The following SPTB variants were observed in gnomAD, a reference collection of about 807,000 sequenced individuals.
The protein encoded by SPTB is spectrin beta, erythrocytic.
Under a neutral mutation model 256.2 loss-of-function variants are expected in SPTB, and 45 were observed. The ratio of observed to expected loss-of-function variants is 0.18; its 90% CI spans 0.14 to 0.23. SPTB has a LOEUF of 0.23. Ranked by LOEUF, SPTB falls within the 10% of genes least tolerant of loss-of-function variation. SPTB has a pLI of 1.00. For synonymous variants in SPTB, 1,231 were observed against 1,243.1 expected, an observed-to-expected ratio of 0.99 and a Z score of 0.21; for missense variants, 2,715 against 3,040.4, an observed-to-expected ratio of 0.89 and a Z score of 2.52.
At chr14:64,768,470 A>G (rs7157344) in intron 29 of SPTB, among the ~76,000 whole-genome samples, 27,128 of 134,132 alleles carry the variant, frequency 0.2, 3,695 homozygotes, top group African/African-American at 0.42. Flanking sequence ...GCTGTCTCAC[A>G]TGATGCTGGA....
At chr14:64,799,550 A>G (rs760398463) in intron 9 of SPTB, among the ~76,000 whole-genome samples, 197 bp downstream of exon 9, 4 of 152,236 alleles carry the variant, frequency 2.6e-5, no homozygotes, top group Admixed American at 6.5e-5. Flanking sequence ...TTTCTCATCA[A>G]TGCTGGTTTC....
At chr14:64,868,420 G>C (rs532186702) in intron 1 of SPTB, among the ~76,000 whole-genome samples, 18 of 152,280 alleles carry the variant, frequency 1.2e-4, no homozygotes, top group Admixed American at 2.0e-4. Context: ...AAGCAGATTT[G>C]GAGTGAAGAA....
At position 64,795,590 on chromosome 14, in the gene SPTB, T is replaced by A; in HGVS notation, c.1391A>T (p.His464Leu). The A allele has an allele frequency of 6.2e-7, 1 of 1,614,066 alleles. No individual in the cohort carries two copies. The highest frequency in any genetic ancestry group is 1.3e-5 in the African/African-American group (1 of 74,966). ...LAAVEAAKKK[H>L]EAIETDTAAY... ...AGCCGTGTCGGTCTCGATGGCCTCA[T>A]GCTTCTTCTTGGCGGCCTCCACAGC... Residue 464 changes from histidine to leucine, a missense_variant, in exon 12 of 36, where the codon CAT (histidine) becomes CTT (leucine). His to Leu is a moderately conservative substitution (Grantham distance 99). This residue lies in a region of SPTB where 416 missense variants were observed against 571.1 expected (regional missense o/e 0.73). Coordinates refer to ENST00000644917, the MANE Select transcript of SPTB (RefSeq NM_001355436.2). This position sits in a 1 kb window ranked among gnomAD's most constrained non-coding sequence, Gnocchi z 6.5.
chr14:64,874,806 TCTC>T (rs1882728798), intron 1 of SPTB, among the ~76,000 whole-genome samples: 1 of 152,252 alleles, frequency 6.6e-6, no homozygotes, highest in Non-Finnish European at 1.5e-5. Flanking sequence ...TCAAGTTTCT[TCTC>T]CTTTTCACAA....
chr14:64,752,262 T>A, intron 33 of SPTB: 1 of 1,344,286 alleles, frequency 7.4e-7, no homozygotes, highest in Non-Finnish European at 9.8e-7. Context: ...TGTTTCCTCC[T>A]CCTCTTCATC....
Position 64,782,423 on chromosome 14 carries a change from G to A in SPTB, c.4133C>T (p.Ala1378Val). 1 of 1,614,136 alleles carries A rather than the reference G, an allele frequency of 6.2e-7. No individual in the cohort carries two copies. The highest frequency in any genetic ancestry group is 8.5e-7 in the Non-Finnish European group (1 of 1,180,046). Residue 1378 changes from alanine (A) to valine (V), a missense_variant, in exon 20 of 36, where the codon GCC (alanine) becomes GTC (valine). Ala to Val is a moderately conservative substitution (Grantham distance 64). Around this residue, in one of 4 missense-constraint regions of SPTB, gnomAD observed 2,239 missense variants for 2,384.4 expected, o/e 0.94. Transcript: ENST00000644917. Reference sequence around the variant, plus strand: ...CTGCAAGCGCAGGTCGGAGCTCCTGGCAGCCGAGAGGTGCTGGGTCTTCTC... The same window carrying A: ...CTGCAAGCGCAGGTCGGAGCTCCTGACAGCCGAGAGGTGCTGGGTCTTCTC... ...TKEKTQHLSA[A>V]RSSDLRLQTH...
intron 33 of SPTB, 122 bp from the exon 34 acceptor site, chr14:64,750,276 T>C (rs1278771068): frequency 5.0e-6 from 5 of 1,009,492 alleles, no homozygotes; most frequent in Non-Finnish European, 7.0e-6. Flanking sequence ...GTAACATGTT[T>C]TATTGTTAAA....
chr14:64,803,726 C>T lies in SPTB; in HGVS notation c.355G>A (p.Ala119Thr). Residue 119 changes from alanine (A) to threonine (T), a missense_variant, in exon 4 of 36, where the codon GCT becomes ACT. By Grantham distance (58) the Ala-to-Thr change is moderately conservative (BLOSUM62 0). Coordinates refer to ENST00000644917, the MANE Select transcript of SPTB (RefSeq NM_001355436.2). ...CGCTGCTCCTTGAGGAACTGGAGAG[C>T]CTTGTCCACATTCTCCAGGCAGTGG... ...RIHCLENVDKALQFLKEQRVH... is the reference protein window; with the variant it reads ...RIHCLENVDKTLQFLKEQRVH... 1 of 1,614,092 alleles carries T rather than the reference C, an allele frequency of 6.2e-7. No homozygotes were observed. Among genetic ancestry groups the T allele is most frequent in the Non-Finnish European group, 8.5e-7 (1 of 1,180,008 alleles).
chr14:64,870,638 T>C (rs1386026463), intron 1 of SPTB, among the ~76,000 whole-genome samples: 2 of 152,248 alleles, frequency 1.3e-5, no homozygotes, highest in African/African-American at 4.8e-5. Flanking sequence ...AAGTTCAGTT[T>C]GGCCCCCAAA....
In SPTB at chr14:64,801,824, C is replaced by T; in HGVS notation, c.577G>A (p.Val193Ile). 1.9e-6 allele frequency: 3 copies of T among 1,614,174 alleles called. No homozygotes were observed. The highest frequency in any genetic ancestry group is 2.5e-6 in the Non-Finnish European group (3 of 1,180,026). ...CTGGAGGTAAAGTTGGTGACATTAACATGAGGGTAGCTGCATCCAAGAGAA... is the reference window on the plus strand; with the variant it reads ...CTGGAGGTAAAGTTGGTGACATTAATATGAGGGTAGCTGCATCCAAGAGAA... ...CQMKTAGYPH[V>I]NVTNFTSSWK... Residue 193 changes from valine (V) to isoleucine (I), a missense_variant, in exon 6 of 36, where the codon GTT becomes ATT. Val to Ile is a conservative substitution (Grantham distance 29). Transcript: ENST00000644917.
chr14:64,769,630 C>G lies in SPTB; in HGVS notation c.5897G>C (p.Gly1966Ala). ...SKNFSACLELGESLLQRQHQA... is the reference protein window; with the variant it reads ...SKNFSACLELAESLLQRQHQA... ...GTGCTGCCGCTGCAGCAGGGACTCG[C>G]CAAGCTCCAGGCAGGCACTGAAGTT... The change falls in exon 28 of 36, where the codon GGC becomes GCC. Residue 1966 changes from glycine (G) to alanine (A), a missense_variant. By Grantham distance (60) the Gly-to-Ala change is moderately conservative. Transcript: ENST00000644917. The G allele has an allele frequency of 6.2e-7, 1 of 1,614,124 alleles. No individual in the cohort carries two copies. Among genetic ancestry groups the G allele is most frequent in the Non-Finnish European group, 8.5e-7 (1 of 1,180,048 alleles).
intron 1 of SPTB, among the ~76,000 whole-genome samples, chr14:64,871,011 C>T (rs577675747): frequency 1.9e-4 from 29 of 152,148 alleles, no homozygotes; most frequent in Non-Finnish European, 3.5e-4. Context: ...GTGATGGCTG[C>T]ACAGCAATGT....
At chr14:64,856,467 A>C (rs1295542698) in intron 1 of SPTB, among the ~76,000 whole-genome samples, 2 of 152,200 alleles carry the variant, frequency 1.3e-5, no homozygotes, top group African/African-American at 4.8e-5. Context: ...ATGCTTAGCC[A>C]AGTTCAGCAA....
chr14:64,834,817 C>T (rs2083498901), intron 1 of SPTB, among the ~76,000 whole-genome samples: 1 of 152,188 alleles, frequency 6.6e-6, no homozygotes, highest in Non-Finnish European at 1.5e-5. Flanking sequence ...AAAGCAGCAG[C>T]TTCACATGCA....
intron 2 of SPTB, among the ~76,000 whole-genome samples, chr14:64,812,071 T>A (rs940689776): frequency 2.0e-5 from 3 of 152,166 alleles, no homozygotes; most frequent in South Asian, 2.1e-4. Flanking sequence ...TTAAAAAAAA[T>A]TTGAGTAGCT....
rs1389778495 is a variant in SPTB at position 64,879,830 on chromosome 14, G to C, written c.-90C>G. 6.6e-6 allele frequency: 1 copy of C among 151,560 alleles called. No homozygotes were observed. Among genetic ancestry groups the C allele is most frequent in the Non-Finnish European group, 1.5e-5 (1 of 67,978 alleles). The allele number at this position is 151,560 out of a possible 1,614,324, so 9.4% of individuals were successfully genotyped here. A position where few individuals can be genotyped will look rare whatever the true frequency, so the allele number is the denominator to read the frequency against. Reference sequence around the variant, plus strand: ...GAAGCGGGGGCCACCCCGAGCCCGGGGGTGGCGGCGGCGGCGGCGCAGGGG... The same window carrying C: ...GAAGCGGGGGCCACCCCGAGCCCGGCGGTGGCGGCGGCGGCGGCGCAGGGG... On this transcript the variant is annotated 5_prime_UTR_variant, in exon 1 of 36. Transcript: ENST00000644917.
In SPTB at chr14:64,785,177, G is replaced by A. The variant is rs1397119136; in HGVS notation, c.3855+360C>T. On this transcript the variant is annotated intron_variant, in intron 18 of 35. Coordinates refer to ENST00000644917, the MANE Select transcript of SPTB (RefSeq NM_001355436.2). This position sits in a 1 kb window ranked among gnomAD's most constrained non-coding sequence, Gnocchi z 4.4. ...AGAATTTCAAGATGGCAAGAGTAGA[G>A]CATTAACCTGAGCCCAGGGCCCTTC... Among the ~76,000 whole-genome samples, 8 of 152,208 alleles carry A rather than the reference G, an allele frequency of 5.3e-5. No individual in the cohort carries two copies. The highest frequency in any genetic ancestry group is 1.0e-4 in the Non-Finnish European group (7 of 68,040).
In SPTB at chr14:64,803,770, G is replaced by C. The variant is rs761715254; in HGVS notation, c.311C>G (p.Thr104Ser). The C allele has an allele frequency of 6.2e-7, 1 of 1,611,140 alleles. No homozygotes were observed. The highest frequency in any genetic ancestry group is 1.1e-5 in the South Asian group (1 of 90,700). Residue 104 changes from threonine to serine, a missense_variant, in exon 4 of 36, where the codon ACC becomes AGC. Coordinates refer to ENST00000644917, the MANE Select transcript of SPTB (RefSeq NM_001355436.2). ...VLSGEMLPKP[T>S]KGKMRIHCLE... is the part of the protein sequence containing the mutation. The stretch of plus-strand genomic sequence containing the variant: ...GCAGTGGATGCGCATCTTCCCCTTG[G>C]TGGGCTTTGGCTGGGGGACAGCAGT...
intron 1 of SPTB, among the ~76,000 whole-genome samples, chr14:64,861,232 C>T (rs904734598): frequency 1.3e-5 from 2 of 152,040 alleles, no homozygotes; most frequent in Non-Finnish European, 2.9e-5. Flanking sequence ...ACTTAGAGGA[C>T]AGGTCAATAG....
Sources: gnomAD v4.1 joint callset for allele counts (sites outside exome capture counted in the v4.1 genomes callset) on GRCh38, gnomAD v4.1.1 for gene constraint, gnomAD v4.1.1 regional missense constraint, Gnocchi (gnomAD v3.1) non-coding constraint, MANE v1.5 for transcripts, NCBI Gene and HGNC (gene_info 2026-07-23, HGNC 2026-07-21) for gene names.